The following COX7B2 variants were observed in gnomAD, a reference collection of about 807,000 sequenced individuals.
COX7B2 encodes the protein cytochrome c oxidase subunit 7B2.
For missense variants in COX7B2, 109 were observed against 95.9 expected (o/e 1.14, Z -0.57); for synonymous variants, 37 against 32.1 (o/e 1.15, Z -0.51).
At chr4:46,878,077 T>A (rs923606229) in intron 1 of COX7B2, among the ~76,000 whole-genome samples, 2 of 151,376 alleles carry the variant, frequency 1.3e-5, no homozygotes, top group African/African-American at 4.9e-5. Context: ...AAAAAGGTAA[T>A]AACTGCCATT....
At chr4:46,839,140 T>A (rs1169102640) in intron 2 of COX7B2, among the ~76,000 whole-genome samples, 3 of 152,046 alleles carry the variant, frequency 2.0e-5, no homozygotes, top group Non-Finnish European at 4.4e-5. Context: ...TTGCTGAGAC[T>A]CCCAGAGTAG....
At chr4:46,878,062 T>TA (rs943672295) in intron 1 of COX7B2, among the ~76,000 whole-genome samples, 7 of 149,508 alleles carry the variant, frequency 4.7e-5, no homozygotes, top group East Asian at 3.9e-4. Context: ...TACTCACCCT[T>TA]AAAAAAAAAG....
At chr4:46,906,366 A>C (rs562274597) in intron 1 of COX7B2, among the ~76,000 whole-genome samples, 1 of 152,296 alleles carries the variant, frequency 6.6e-6, no homozygotes, top group East Asian at 1.9e-4. Flanking sequence ...TTCATCATAA[A>C]ATTGTACAGA....
intron 2 of COX7B2, among the ~76,000 whole-genome samples, chr4:46,832,173 G>A (rs556607874): frequency 9.2e-5 from 14 of 152,194 alleles, no homozygotes; most frequent in African/African-American, 3.1e-4. Context: ...TATAAATTTT[G>A]CTACTGCTAA....
chr4:46,837,207 A>T (rs955097053), intron 2 of COX7B2, among the ~76,000 whole-genome samples: 1 of 151,830 alleles, frequency 6.6e-6, no homozygotes, highest in African/African-American at 2.4e-5. Context: ...AAATCACAAA[A>T]GGTGGAAACA....
At chr4:46,826,185 C>A (rs2109710588) in intron 2 of COX7B2, among the ~76,000 whole-genome samples, 1 of 152,092 alleles carries the variant, frequency 6.6e-6, no homozygotes, top group East Asian at 1.9e-4. Flanking sequence ...AAGAGAAAAA[C>A]AACCCCATTA....
chr4:46,738,530 C>A (rs1714507617), intron 2 of COX7B2, among the ~76,000 whole-genome samples: 2 of 152,034 alleles, frequency 1.3e-5, no homozygotes, highest in Admixed American at 6.6e-5. Context: ...GCCTTCAGAT[C>A]TATCTTATCT....
chr4:46,828,168 C>T (rs1391003163), intron 2 of COX7B2, among the ~76,000 whole-genome samples: 2 of 151,990 alleles, frequency 1.3e-5, no homozygotes, highest in African/African-American at 4.8e-5. Flanking sequence ...AAAACTTCTG[C>T]TCAATGTAAA....
intron 1 of COX7B2, among the ~76,000 whole-genome samples, chr4:46,886,338 T>A (rs1010752573): frequency 6.6e-6 from 1 of 152,200 alleles, no homozygotes; most frequent in African/African-American, 2.4e-5. Flanking sequence ...GTGTAATGAT[T>A]AAATCAGGGT....
chr4:46,850,509 T>TA (rs1435951068), intron 1 of COX7B2, among the ~76,000 whole-genome samples: 2 of 152,054 alleles, frequency 1.3e-5, no homozygotes, highest in South Asian at 2.1e-4. Flanking sequence ...ATATCTCACA[T>TA]AAAAAATCTC....
At chr4:46,882,190 G>T (rs759481575) in intron 1 of COX7B2, among the ~76,000 whole-genome samples, 59 of 152,226 alleles carry the variant, frequency 3.9e-4, no homozygotes, top group Middle Eastern at 3.4e-3. Flanking sequence ...TTTTACATTT[G>T]CTGAGGATTG....
chr4:46,790,951 C>T (rs919585409), intron 2 of COX7B2, among the ~76,000 whole-genome samples: 18 of 152,170 alleles, frequency 1.2e-4, no homozygotes, highest in African/African-American at 4.3e-4. Flanking sequence ...TTGTTTTAGC[C>T]TCAGCTAATG....
At position 46,814,024 on chromosome 4, in the gene COX7B2, C is replaced by G. The variant is rs117326069; in HGVS notation, c.-50+30936G>C. On this transcript the variant is annotated intron_variant, in intron 2 of 2. Coordinates refer to ENST00000355591, the MANE Select transcript of COX7B2 (RefSeq NM_130902.3). ...ATTAAAAAGGCAATTATCAAAAAGA[C>G]AAAAGTAGCAAATGCTGGTGGGGAT... Among the ~76,000 whole-genome samples the G allele has an allele frequency of 2.2e-4, 33 of 152,134 alleles. No individual in the cohort carries two copies. The East Asian group carries it at 6.2e-3, about 29-fold the overall frequency.
At chr4:46,806,195 T>A (rs1369794194) in intron 2 of COX7B2, among the ~76,000 whole-genome samples, 2 of 152,136 alleles carry the variant, frequency 1.3e-5, no homozygotes, top group Non-Finnish European at 2.9e-5. Context: ...CTTCTTCCTT[T>A]TATTAATGTT....
intron 2 of COX7B2, among the ~76,000 whole-genome samples, chr4:46,822,923 T>A (rs1015259152): frequency 3.3e-5 from 5 of 152,188 alleles, no homozygotes; most frequent in Non-Finnish European, 7.3e-5. Flanking sequence ...AAATTAACAA[T>A]TTTCTTAAGC....
At chr4:46,855,574 C>A (rs187158913) in intron 1 of COX7B2, among the ~76,000 whole-genome samples, 1 of 151,806 alleles carries the variant, frequency 6.6e-6, no homozygotes, top group Admixed American at 6.6e-5. Context: ...TAATATTAAT[C>A]TATGGTAAAC....
chr4:46,875,215 T>C (rs1718248415), intron 1 of COX7B2, among the ~76,000 whole-genome samples: 1 of 152,188 alleles, frequency 6.6e-6, no homozygotes, highest in Non-Finnish European at 1.5e-5. Flanking sequence ...GGAAATGTTA[T>C]GGAACAATAA....
intron 2 of COX7B2, among the ~76,000 whole-genome samples, chr4:46,786,878 A>G (rs1331806646): frequency 4.6e-5 from 7 of 152,236 alleles, no homozygotes; most frequent in African/African-American, 1.7e-4. Flanking sequence ...GGAGGATAGT[A>G]TATCTAAGAA....
chr4:46,769,342 G>A (rs9994046), intron 2 of COX7B2, among the ~76,000 whole-genome samples: 55,419 of 151,844 alleles, frequency 0.36, 10,333 homozygotes, highest in South Asian at 0.47. Context: ...AGCAAAACAA[G>A]TTAAAAAGAA....
Sources: allele counts gnomAD v4.1 joint callset (sites outside exome capture counted in the v4.1 genomes callset), GRCh38; gene constraint gnomAD v4.1.1; transcripts MANE v1.5; gene names NCBI Gene and HGNC (gene_info 2026-07-23, HGNC 2026-07-21).